UBA7: variants seen among roughly 807,000 people sequenced by gnomAD.
UBA7 encodes ubiquitin like modifier activating enzyme 7.
In UBA7, 88 loss-of-function variants were observed where a neutral mutation model predicts 113.0. That is an observed-to-expected ratio of 0.78 (90% CI 0.66 to 0.93). The LOEUF (loss-of-function observed/expected upper bound fraction) is 0.93. UBA7 is among the 40% of genes least tolerant of loss of function. The pLI, the probability that UBA7 is intolerant of heterozygous loss-of-function variation, is 0.00. For synonymous variants in UBA7, 459 were observed against 513.0 expected, an observed-to-expected ratio of 0.89 and a Z score of 1.42; for missense variants, 1,092 against 1,266.4, an observed-to-expected ratio of 0.86 and a Z score of 2.09.
Position 49,811,901 on chromosome 3 carries a change from A to C in UBA7, c.908T>G (p.Leu303Arg). 3.7e-6 allele frequency: 6 copies of C among 1,614,038 alleles called. No individual in the cohort carries two copies. Among genetic ancestry groups the C allele is most frequent in the Non-Finnish European group, 4.2e-6 (5 of 1,180,034 alleles). The change falls in exon 8 of 24, where the codon CTC becomes CGC. Residue 303 changes from leucine to arginine, a missense_variant. Around this residue, in one of 3 missense-constraint regions of UBA7, gnomAD observed 584 missense variants for 714.5 expected, o/e 0.82. Coordinates refer to ENST00000333486, the MANE Select transcript of UBA7 (RefSeq NM_003335.3). ...CCAGGGCTGGGGTGGCCGGCCATGG[A>C]GGTGCTGGAACTTGTGCAGTGCACA... ...AFCALHKFQH[L>R]HGRPPQPWDP...
Position 49,811,317 on chromosome 3 carries a change from T to C in UBA7, c.1078A>G (p.Met360Val), listed in dbSNP as rs760790570. The C allele has an allele frequency of 6.2e-6, 10 of 1,614,174 alleles. No homozygotes were observed. The highest frequency in any genetic ancestry group is 8.5e-6 in the Non-Finnish European group (10 of 1,180,022). The stretch of plus-strand genomic sequence containing the variant: ...GCTACTGCACCCAGCATGGCCACCA[T>C]AGGGCTCAAGACACCTGCACTGCTT... ...ALSSAGVLSP[M>V]VAMLGAVAAQ... Residue 360 changes from methionine (M) to valine (V), a missense_variant, in exon 9 of 24, where the codon ATG becomes GTG. By Grantham distance (21) the Met-to-Val change is conservative (BLOSUM62 1). Transcript: ENST00000333486.
chr3:49,807,476 G>C lies in UBA7; in HGVS notation c.2715+260C>G, dbSNP rs1226067524. 6.6e-6 allele frequency among the ~76,000 whole-genome samples: 1 copy of C among 152,184 alleles called. No individual in the cohort carries two copies. The highest frequency in any genetic ancestry group is 6.5e-5 in the Admixed American group (1 of 15,284). On this transcript the variant is annotated intron_variant, in intron 21 of 23. Coordinates refer to ENST00000333486, the MANE Select transcript of UBA7 (RefSeq NM_003335.3). This position sits in a 1 kb window ranked among gnomAD's most constrained non-coding sequence, Gnocchi z 4.0. Reference sequence around the variant, plus strand: ...AGGAGGGGACTGTGGGGGATGTCTGGCTCCACTAATGAGTTAAAGCTGCAG... The same window carrying C: ...AGGAGGGGACTGTGGGGGATGTCTGCCTCCACTAATGAGTTAAAGCTGCAG...
Position 49,811,107 on chromosome 3 carries a change from C to G in UBA7, c.1123-16G>C, listed in dbSNP as rs752776611. 5 of 1,613,288 alleles carry G rather than the reference C, an allele frequency of 3.1e-6. No homozygotes were observed. The highest frequency in any genetic ancestry group is 4.2e-6 in the Non-Finnish European group (5 of 1,179,544). ...TGGAGATTGCCTAGGGGCAGCACTT[C>G]AGGCTGGGCACTCCTGCCACCTCCT... On this transcript the variant is annotated splice_polypyrimidine_tract_variant and intron_variant, in intron 9 of 23. Coordinates refer to ENST00000333486, the MANE Select transcript of UBA7 (RefSeq NM_003335.3).
intron 17 of UBA7, 66 bp from the exon 18 acceptor site, chr3:49,809,225 T>C: frequency 6.4e-7 from 1 of 1,553,590 alleles, no homozygotes; most frequent in African/African-American, 1.4e-5. Context: ...TGTCCATTTG[T>C]GGATCTGTTT....
rs762972996 is a variant in UBA7, at chr3:49,809,025, G to A, written c.2298C>T (p.Ala766=). The change falls in exon 18 of 24, where the codon GCC becomes GCT. Residue 766 remains alanine, a synonymous_variant. Transcript: ENST00000333486. ...LLPQPDPQQM[A]PIFASNLELA... is the part of the protein sequence containing the mutation. ...GCTCTAGATTACTAGCAAAGATGGG[G>A]GCCATCTGTTGGGGGTCAGGCTGTG... is the stretch of plus-strand genomic sequence containing the variant. 1.9e-6 allele frequency: 3 copies of A among 1,613,946 alleles called. No homozygotes were observed. Among genetic ancestry groups the A allele is most frequent in the Admixed American group, 1.7e-5 (1 of 60,016 alleles).
At chr3:49,811,165 C>T in intron 9 of UBA7, 74 bp from the exon 10 acceptor site, 2 of 1,603,104 alleles carry the variant, frequency 1.2e-6, no homozygotes, top group Admixed American at 1.7e-5. Context: ...GAGGCTTCAC[C>T]CAGGTTGGTG....
At position 49,806,376 on chromosome 3, in the gene UBA7, C is replaced by G. The variant is rs540763631; in HGVS notation, c.2716-211G>C. The G allele has an allele frequency of 1.0e-5, 6 of 596,014 alleles. No homozygotes were observed. In the African/African-American group the frequency reaches 1.1e-4, roughly 11 times the overall value. The allele number at this position is 596,014 out of a possible 1,614,324, so 36.9% of individuals were successfully genotyped here. On this transcript the variant is annotated intron_variant, in intron 21 of 23. Transcript: ENST00000333486. ...GCACAGGAAATGGGGCTATGGGGCCCGCACAGGGAAACAGACGATCCATCA... is the reference window on the plus strand; with the variant it reads ...GCACAGGAAATGGGGCTATGGGGCCGGCACAGGGAAACAGACGATCCATCA...
In UBA7 at chr3:49,810,653, C is replaced by T. The variant is rs1300729527; in HGVS notation, c.1331G>A (p.Gly444Asp). Residue 444 changes from glycine (G) to aspartate (D), a missense_variant, in exon 12 of 24, where the codon GGT (glycine) becomes GAT (aspartate). Coordinates refer to ENST00000333486, the MANE Select transcript of UBA7 (RefSeq NM_003335.3). The surrounding 1 kb of genome is among the most constrained non-coding windows in gnomAD (Gnocchi z 5.6). ...HYLLVGAGAI[G>D]CELLKVFALV... ...GGCAAAGACTTTGAGCAGCTCACAA[C>T]CAATGGCACCAGCGCCCACCTGTTG... 3 of 1,614,026 alleles carry T rather than the reference C, an allele frequency of 1.9e-6. No individual in the cohort carries two copies. The highest frequency in any genetic ancestry group is 1.7e-5 in the Admixed American group (1 of 60,004).
rs762655668 is a variant in UBA7, at chr3:49,813,294, G to A, written c.315C>T (p.Val105=). The A allele has an allele frequency of 4.3e-6, 7 of 1,614,062 alleles. No homozygotes were observed. Among genetic ancestry groups the A allele is most frequent in the Admixed American group, 3.3e-5 (2 of 60,008 alleles). Residue 105 remains valine, a synonymous_variant, in exon 3 of 24, where the codon GTC becomes GTT. Transcript: ENST00000333486. ...LAQLNRAVQV[V]VHTGDITEDL... ...CCTCAGTGATGTCACCCGTGTGCAC[G>A]ACGACCTGGACAGCTCTGTTGAGCT... is the stretch of plus-strand genomic sequence containing the variant.
chr3:49,806,091 C>T lies in UBA7; in HGVS notation c.2790G>A (p.Ser930=), dbSNP rs142879711. ...GGCACACCTGAAGATGAGCCAGCAG[C>T]GACTCCAGGGTCCTCTCAGGCTGCC... is the stretch of plus-strand genomic sequence containing the variant. ...PAGQPERTLE[S]LLAHLQEQHG... Residue 930 remains serine (S), a synonymous_variant, in exon 22 of 24, where the codon TCG becomes TCA. Coordinates refer to ENST00000333486, the MANE Select transcript of UBA7 (RefSeq NM_003335.3). 3.4e-5 allele frequency: 54 copies of T among 1,594,918 alleles called. No individual in the cohort carries two copies. The highest frequency in any genetic ancestry group is 8.0e-5 in the South Asian group (7 of 87,670).
In UBA7 at chr3:49,810,504, G is replaced by T. The variant is rs774415730; in HGVS notation, c.1467+13C>A. ...TCTGGGATGCAGGAGTGTGGAGAGGGGTCAGCACTCACACCAACGTCCTGG... is the reference window on the plus strand; with the variant it reads ...TCTGGGATGCAGGAGTGTGGAGAGGTGTCAGCACTCACACCAACGTCCTGG... On this transcript the variant is annotated intron_variant, in intron 12 of 23. Coordinates refer to ENST00000333486, the MANE Select transcript of UBA7 (RefSeq NM_003335.3). This position sits in a 1 kb window ranked among gnomAD's most constrained non-coding sequence, Gnocchi z 5.6. 5.6e-6 allele frequency: 9 copies of T among 1,613,954 alleles called. No homozygotes were observed. The African/African-American group carries it at 1.1e-4, about 19-fold the overall frequency.
At position 49,810,380 on chromosome 3, in the gene UBA7, C is replaced by G; in HGVS notation, c.1516G>C (p.Asp506His). The change falls in exon 13 of 24, where the codon GAC becomes CAC. Residue 506 changes from aspartate (D) to histidine (H), a missense_variant. Around this residue, in one of 3 missense-constraint regions of UBA7, gnomAD observed 584 missense variants for 714.5 expected, o/e 0.82. Coordinates refer to ENST00000333486, the MANE Select transcript of UBA7 (RefSeq NM_003335.3). This position sits in a 1 kb window ranked among gnomAD's most constrained non-coding sequence, Gnocchi z 5.6. ...TAGGTGAGCGGGATCACCTGTAAGT[C>G]TGGGTTCAGGCCCCGGGCAGCTGCT... ...AAAAARGLNPDLQVIPLTYPL... is the reference protein window; with the variant it reads ...AAAAARGLNPHLQVIPLTYPL... 1 of 1,614,148 alleles carries G rather than the reference C, an allele frequency of 6.2e-7. No individual in the cohort carries two copies. Among genetic ancestry groups the G allele is most frequent in the Non-Finnish European group, 8.5e-7 (1 of 1,180,028 alleles).
At position 49,809,563 on chromosome 3, in the gene UBA7, C is replaced by T. The variant is rs1228328754; in HGVS notation, c.2067G>A (p.Leu689=). 1.2e-6 allele frequency: 2 copies of T among 1,614,132 alleles called. No homozygotes were observed. Among genetic ancestry groups the T allele is most frequent in the Middle Eastern group, 1.6e-4 (1 of 6,062 alleles). The part of the protein sequence containing the change: ...LCFHYGIKQL[L]RHFPPNKVLE... Reference sequence around the variant, plus strand: ...ACACTTTATTAGGTGGGAAGTGCCTCAGCAGCTGTTTGATGCCATAATGAA... The same window carrying T: ...ACACTTTATTAGGTGGGAAGTGCCTTAGCAGCTGTTTGATGCCATAATGAA... The change falls in exon 16 of 24, where the codon CTG becomes CTA. Residue 689 remains leucine, a synonymous_variant. Transcript: ENST00000333486.
chr3:49,809,569 C>A lies in UBA7; in HGVS notation c.2061G>T (p.Gln687His), dbSNP rs1273021921. Residue 687 changes from glutamine to histidine, a missense_variant, in exon 16 of 24, where the codon CAG becomes CAT. This residue lies in a region of UBA7 where 500 missense variants were observed against 529.3 expected (regional missense o/e 0.94). Coordinates refer to ENST00000333486, the MANE Select transcript of UBA7 (RefSeq NM_003335.3). ...TATTAGGTGGGAAGTGCCTCAGCAG[C>A]TGTTTGATGCCATAATGAAAGCAGA... ...WKLCFHYGIK[Q>H]LLRHFPPNKV... The A allele has an allele frequency of 6.2e-7, 1 of 1,614,150 alleles. No homozygotes were observed. Among genetic ancestry groups the A allele is most frequent in the African/African-American group, 1.3e-5 (1 of 75,070 alleles).
At position 49,812,442 on chromosome 3, in the gene UBA7, G is replaced by A; in HGVS notation, c.660C>T (p.Leu220=). 1.2e-6 allele frequency: 2 copies of A among 1,614,210 alleles called. No individual in the cohort carries two copies. The highest frequency in any genetic ancestry group is 1.7e-6 in the Non-Finnish European group (2 of 1,180,030). The change falls in exon 6 of 24, where the codon CTC becomes CTT. Residue 220 remains leucine (L), a synonymous_variant. Transcript: ENST00000333486. The part of the protein sequence containing the change: ...TFSGIEGMVE[L]NDCDPRSIHV... The stretch of plus-strand genomic sequence containing the variant: ...GGATAGACCGGGGATCACAGTCGTT[G>A]AGCTCAACCATTCCCTCAATTCCCG...
chr3:49,809,354 T>TAG (rs2081504107), intron 17 of UBA7, 36 bp downstream of exon 17: 1 of 1,608,638 alleles, frequency 6.2e-7, no homozygotes, highest in South Asian at 1.1e-5. Flanking sequence ...AGGGGCCACA[T>TAG]CTCTATCTTG....
At position 49,809,419 on chromosome 3, in the gene UBA7, G is replaced by A. The variant is rs11928913; in HGVS notation, c.2134C>T (p.Pro712Ser). The stretch of plus-strand genomic sequence containing the variant: ...TTGGTGTCAAACTCCAAGGGCTGGG[G>A]ACACTGTTTGGGACCTGACCAGAAG... ...TPFWSGPKQC[P>S]QPLEFDTNQD... The change falls in exon 17 of 24, where the codon CCC (proline) becomes TCC (serine). Residue 712 changes from proline (P) to serine (S), a missense_variant. Around this residue, in one of 3 missense-constraint regions of UBA7, gnomAD observed 500 missense variants for 529.3 expected, o/e 0.94. Transcript: ENST00000333486. 1.4e-3 allele frequency: 2,253 copies of A among 1,614,174 alleles called. 10 individuals carry two copies. The highest frequency in any genetic ancestry group is 0.011 in the African/African-American group (806 of 75,038).
Position 49,811,269 on chromosome 3 carries a change from C to T in UBA7, c.1122+4G>A, listed in dbSNP as rs2081541583. On this transcript the variant is annotated splice_donor_region_variant and intron_variant, in intron 9 of 23. Transcript: ENST00000333486. ...GTACCCCCCACACCTATGCCTCTGCCCACCTTCAGCACTTCCTGGGCAGCT... is the reference window on the plus strand; with the variant it reads ...GTACCCCCCACACCTATGCCTCTGCTCACCTTCAGCACTTCCTGGGCAGCT... 6.2e-7 allele frequency: 1 copy of T among 1,613,828 alleles called. No individual in the cohort carries two copies. The highest frequency in any genetic ancestry group is 8.5e-7 in the Non-Finnish European group (1 of 1,179,996).
At position 49,813,053 on chromosome 3, in the gene UBA7, C is replaced by T; in HGVS notation, c.467+9G>A. 6.2e-7 allele frequency: 1 copy of T among 1,611,090 alleles called. No individual in the cohort carries two copies. The highest frequency in any genetic ancestry group is 8.5e-7 in the Non-Finnish European group (1 of 1,178,984). ...TAATATGGTAGGCTGGGCAGGCAGT[C>T]TTACTCACCCCACGAGGCCCCGGGT... On this transcript the variant is annotated intron_variant, in intron 4 of 23. Transcript: ENST00000333486.
Sources: gnomAD v4.1 joint callset for allele counts (sites outside exome capture counted in the v4.1 genomes callset) on GRCh38, gnomAD v4.1.1 for gene constraint, gnomAD v4.1.1 regional missense constraint, Gnocchi (gnomAD v3.1) non-coding constraint, MANE v1.5 for transcripts, NCBI Gene and HGNC (gene_info 2026-07-23, HGNC 2026-07-21) for gene names.